The following SLC7A7 variants were observed in gnomAD, a reference collection of about 807,000 sequenced individuals.
SLC7A7 encodes Y+L amino acid transporter 1.
In SLC7A7, 39 loss-of-function variants were observed where a neutral mutation model predicts 47.9. The observed-to-expected ratio is 0.81, with a 90% CI of 0.63 to 1.06. The LOEUF is 1.06. Ranked by LOEUF, SLC7A7 falls within the 50% of genes least tolerant of loss-of-function variation. SLC7A7 has a pLI of 0.00. For synonymous variants in SLC7A7, 234 were observed against 242.8 expected, an observed-to-expected ratio of 0.96 and a Z score of 0.34; for missense variants, 588 against 632.0, an observed-to-expected ratio of 0.93 and a Z score of 0.75.
At position 22,773,678 on chromosome 14, in the gene SLC7A7, C is replaced by CTGACATACA. The variant is rs897222216; in HGVS notation, c.1459_1467dup (p.Cys487_Ser489dup). 1 of 1,614,076 alleles carries CTGACATACA rather than the reference C, an allele frequency of 6.2e-7. No homozygotes were observed. The highest frequency in any genetic ancestry group is 8.5e-7 in the Non-Finnish European group (1 of 1,180,054). On this transcript the variant is annotated inframe_insertion, in exon 10 of 10. Coordinates refer to ENST00000674313, the MANE Select transcript of SLC7A7 (RefSeq NM_003982.4). ...TCTTCCAAATCCATTTCTGCAGCAA[C>CTGACATACA]TGACATACACAGGACCTGGAGGTAC...
Position 22,813,453 on chromosome 14 carries a change from A to G in SLC7A7, c.-42-13T>C. ...TCCTGGCATTGCCCTTTAAGGAAGAAAGATGATGCTATAGATTAGGTGGTT... is the reference window on the plus strand; with the variant it reads ...TCCTGGCATTGCCCTTTAAGGAAGAGAGATGATGCTATAGATTAGGTGGTT... On this transcript the variant is annotated splice_polypyrimidine_tract_variant and intron_variant, in intron 1 of 9. Transcript: ENST00000674313. 1 of 1,598,464 alleles carries G rather than the reference A, an allele frequency of 6.3e-7. No individual in the cohort carries two copies. The highest frequency in any genetic ancestry group is 2.2e-5 in the East Asian group (1 of 44,866).
intron 5 of SLC7A7, 104 bp downstream of exon 5, chr14:22,776,091 C>A (rs1278478923): frequency 2.0e-6 from 3 of 1,533,880 alleles, no homozygotes; most frequent in Non-Finnish European, 2.7e-6. Context: ...TCTAAATGAA[C>A]TCCTTTCAAG....
At chr14:22,780,178 C>T (rs2038693683) in intron 2 of SLC7A7, 127 bp from the exon 3 acceptor site, 1 of 1,364,348 alleles carries the variant, frequency 7.3e-7, no homozygotes, top group African/African-American at 1.4e-5. Flanking sequence ...GACCCTCTGA[C>T]CTGCTCTGCA....
intron 2 of SLC7A7, among the ~76,000 whole-genome samples, chr14:22,786,045 G>A (rs1336467972): frequency 2.1e-5 from 3 of 144,094 alleles, no homozygotes; most frequent in Non-Finnish European, 4.5e-5. Flanking sequence ...AAAAAGCCAG[G>A]TGCAGTGGCT....
intron 2 of SLC7A7, among the ~76,000 whole-genome samples, chr14:22,792,867 A>AAGAGAGAGAG (rs113285148): frequency 0.054 from 6,594 of 122,372 alleles, 228 homozygotes; most frequent in Non-Finnish European, 0.075. Context: ...CAAAGAAAGA[A>AAGAGAGAGAG]AGAGAGAGAG....
At chr14:22,810,456 C>T (rs2039287629) in intron 2 of SLC7A7, among the ~76,000 whole-genome samples, 1 of 72,862 alleles carries the variant, frequency 1.4e-5, no homozygotes, top group Non-Finnish European at 2.7e-5. Flanking sequence ...GAGCGAAACT[C>T]CATCTCAAAA....
intron 2 of SLC7A7, among the ~76,000 whole-genome samples, chr14:22,805,094 G>T (rs1311069282): frequency 1.4e-5 from 2 of 141,892 alleles, no homozygotes; most frequent in Non-Finnish European, 3.2e-5. Context: ...CTGGCCAGGT[G>T]CAGTGGCTCA....
At chr14:22,812,792 T>C (rs1434932364) in intron 2 of SLC7A7, 108 bp downstream of exon 2, 3 of 777,254 alleles carry the variant, frequency 3.9e-6, no homozygotes, top group African/African-American at 1.8e-5. Context: ...TATATATATA[T>C]GTTGTCAGAG....
At chr14:22,779,260 G>A (rs1229779157) in intron 3 of SLC7A7, among the ~76,000 whole-genome samples, 1 of 152,184 alleles carries the variant, frequency 6.6e-6, no homozygotes, top group Admixed American at 6.5e-5. Context: ...TCTGCAGGCT[G>A]CCTGATTCCT....
rs1566464419 is a variant in SLC7A7 at position 22,813,186 on chromosome 14, G to C, written c.213C>G (p.Leu71=). Residue 71 remains leucine (L), a synonymous_variant, in exon 2 of 10, where the codon CTC becomes CTG. Coordinates refer to ENST00000674313, the MANE Select transcript of SLC7A7 (RefSeq NM_003982.4). ...GVLIYSASFG[L]SLVIWAVGGL... is the part of the protein sequence containing the mutation. ...CCCCGACAGCCCAGATGACCAGAGA[G>C]AGACCAAAGGAGGCACTGTATATGA... 5 of 1,614,208 alleles carry C rather than the reference G, an allele frequency of 3.1e-6. No individual in the cohort carries two copies. Among genetic ancestry groups the C allele is most frequent in the Non-Finnish European group, 4.2e-6 (5 of 1,180,028 alleles).
At chr14:22,795,234 C>A (rs2038991572) in intron 2 of SLC7A7, among the ~76,000 whole-genome samples, 1 of 143,218 alleles carries the variant, frequency 7.0e-6, no homozygotes, top group Non-Finnish European at 1.5e-5. Context: ...GCATGCACCA[C>A]CATGCCCAAT....
Position 22,780,130 on chromosome 14 carries a change from C to G in SLC7A7, c.500-79G>C, listed in dbSNP as rs2038692773. 7 of 1,590,194 alleles carry G rather than the reference C, an allele frequency of 4.4e-6. No individual in the cohort carries two copies. The Admixed American group carries it at 1.0e-4, about 23-fold the overall frequency. On this transcript the variant is annotated intron_variant, in intron 2 of 9. Transcript: ENST00000674313. ...AGACTCCCAAGCAATTTTTCCAGTA[C>G]CAGTCACCAAGATATATATACCCTT...
At chr14:22,803,482 C>G (rs2039150930) in intron 2 of SLC7A7, among the ~76,000 whole-genome samples, 1 of 152,140 alleles carries the variant, frequency 6.6e-6, no homozygotes, top group Non-Finnish European at 1.5e-5. Flanking sequence ...CGATAGGTCT[C>G]TAGTAAGGTA....
chr14:22,774,883 A>AAGTC (rs1212601855), intron 7 of SLC7A7, among the ~76,000 whole-genome samples: 18 of 152,264 alleles, frequency 1.2e-4, no homozygotes, highest in Non-Finnish European at 1.3e-4. Flanking sequence ...TTTGAGTGTC[A>AAGTC]AGTCAGCACT....
intron 2 of SLC7A7, among the ~76,000 whole-genome samples, chr14:22,793,044 G>A (rs1441021474): frequency 1.3e-5 from 2 of 151,256 alleles, no homozygotes; most frequent in African/African-American, 4.9e-5. Context: ...AGCCTCCCAA[G>A]TAGCTGAGAC....
chr14:22,813,534 C>A, intron 1 of SLC7A7, 94 bp from the exon 2 acceptor site: 1 of 1,075,998 alleles, frequency 9.3e-7, no homozygotes, highest in Non-Finnish European at 1.4e-6. Context: ...GGGCAGCTCA[C>A]CAACCAATGC....
intron 2 of SLC7A7, 149 bp downstream of exon 2, chr14:22,812,751 T>G: frequency 2.0e-6 from 1 of 504,016 alleles, no homozygotes; most frequent in Non-Finnish European, 2.9e-6. Context: ...CTGTTTGAAT[T>G]TTCACACAAA....
chr14:22,812,788 T>G, intron 2 of SLC7A7, 112 bp downstream of exon 2: 1 of 751,254 alleles, frequency 1.3e-6, no homozygotes, highest in Non-Finnish European at 2.0e-6. Context: ...TATATATATA[T>G]ATATGTTGTC....
At chr14:22,777,142 TAAAAA>T (rs35326556) in intron 4 of SLC7A7, among the ~76,000 whole-genome samples, 6 of 64,144 alleles carry the variant, frequency 9.4e-5, no homozygotes, top group African/African-American at 1.9e-4. Flanking sequence ...AGACCCTGTC[TAAAAA>T]AAAAAAAAAA....
Sources: gnomAD v4.1 joint callset for allele counts (sites outside exome capture counted in the v4.1 genomes callset) on GRCh38, gnomAD v4.1.1 for gene constraint, MANE v1.5 for transcripts, NCBI Gene and HGNC (gene_info 2026-07-23, HGNC 2026-07-21) for gene names.